BMP6: variants seen among roughly 807,000 people sequenced by gnomAD.
The protein encoded by BMP6 is VG-1-R.
In BMP6, 17 loss-of-function variants were observed where a neutral mutation model predicts 54.1. That is an observed-to-expected ratio of 0.31 (90% CI 0.22 to 0.47). BMP6 has a LOEUF of 0.47. Among genes scored for constraint, BMP6 ranks in the 20% least tolerant of loss-of-function variants. The pLI is 1.00. For synonymous variants in BMP6, 328 were observed against 291.2 expected (o/e 1.13, Z -1.28); for missense variants, 720 against 690.4 (o/e 1.04, Z -0.48).
At chr6:7,733,312 T>C (rs905641738) in intron 1 of BMP6, among the ~76,000 whole-genome samples, 1 of 152,262 alleles carries the variant, frequency 6.6e-6, no homozygotes, top group Non-Finnish European at 1.5e-5. Context: ...TTTAGTCATT[T>C]TGCCATCTTT....
chr6:7,774,568 TAGCC>T (rs1405634616), intron 1 of BMP6, among the ~76,000 whole-genome samples: 1 of 151,256 alleles, frequency 6.6e-6, no homozygotes, highest in Non-Finnish European at 1.5e-5. Flanking sequence ...AAACAAAAAT[TAGCC>T]AGGTGTGGTG....
Position 7,735,589 on chromosome 6 carries a change from G to GT in BMP6, c.664+7979dup, listed in dbSNP as rs201550135. 6.5e-3 allele frequency among the ~76,000 whole-genome samples: 979 copies of GT among 151,500 alleles called. 8 individuals are homozygous for GT. The highest frequency in any genetic ancestry group is 0.014 in the East Asian group (70 of 5,154). On this transcript the variant is annotated intron_variant, in intron 1 of 6. Transcript: ENST00000283147. ...GCTGTACATTTTTTAGAAAGAGAGG[G>GT]TTTTTTTTTAAGATCAGTTTGAGGT...
intron 1 of BMP6, among the ~76,000 whole-genome samples, chr6:7,751,685 A>G (rs796783185): frequency 3.3e-5 from 5 of 152,238 alleles, no homozygotes; most frequent in South Asian, 2.1e-4. Context: ...AGAATTAGAC[A>G]TGGCTTCTGT....
chr6:7,807,697 T>C (rs1430133507), intron 1 of BMP6, among the ~76,000 whole-genome samples: 1 of 152,136 alleles, frequency 6.6e-6, no homozygotes, highest in Non-Finnish European at 1.5e-5. Flanking sequence ...TTCTAATGCA[T>C]GCTAAGTTTG....
At chr6:7,789,683 C>T (rs537608499) in intron 1 of BMP6, among the ~76,000 whole-genome samples, 9 of 152,204 alleles carry the variant, frequency 5.9e-5, no homozygotes, top group African/African-American at 2.2e-4. Flanking sequence ...TTGACGGCTT[C>T]CTTTCTGGAA....
chr6:7,739,686 C>T (rs1762013497), intron 1 of BMP6, among the ~76,000 whole-genome samples: 1 of 152,182 alleles, frequency 6.6e-6, no homozygotes. Flanking sequence ...CTGTCCCCTA[C>T]CTGCCCACCA....
rs536470071 is a variant in BMP6 at position 7,741,286 on chromosome 6, A to G, written c.664+13667A>G. 6.6e-5 allele frequency among the ~76,000 whole-genome samples: 10 copies of G among 151,304 alleles called. No individual in the cohort carries two copies. The South Asian group carries it at 1.9e-3, about 29-fold the overall frequency. ...AGAGAGGCATGGAGCAGCATTCTTT[A>G]TTATCATTATTATTATTATTATTTT... On this transcript the variant is annotated intron_variant, in intron 1 of 6. Coordinates refer to ENST00000283147, the MANE Select transcript of BMP6 (RefSeq NM_001718.6).
chr6:7,862,587 G>A, intron 4 of BMP6, 89 bp downstream of exon 4: 2 of 1,517,562 alleles, frequency 1.3e-6, no homozygotes, highest in Non-Finnish European at 1.8e-6. Flanking sequence ...ATGTCGGGCA[G>A]CTTCTGCACA....
Position 7,735,060 on chromosome 6 carries a change from G to T in BMP6, c.664+7441G>T, listed in dbSNP as rs530295669. 9.2e-5 allele frequency among the ~76,000 whole-genome samples: 14 copies of T among 152,330 alleles called. 1 individual carries two copies. In the South Asian group the frequency reaches 2.9e-3, roughly 32 times the overall value. ...TTCATATCACCAAAGAGCTCAGCTG[G>T]CCACGGGGGGAAGTGGAGTGGAGTG... On this transcript the variant is annotated intron_variant, in intron 1 of 6. Coordinates refer to ENST00000283147, the MANE Select transcript of BMP6 (RefSeq NM_001718.6).
At chr6:7,851,281 C>A (rs185898630) in intron 2 of BMP6, among the ~76,000 whole-genome samples, 13 of 152,240 alleles carry the variant, frequency 8.5e-5, no homozygotes, top group Admixed American at 3.3e-4. Context: ...TCTTTAATAA[C>A]TCTCAGTAAT....
chr6:7,873,767 A>C (rs1171306097), intron 4 of BMP6, among the ~76,000 whole-genome samples: 1 of 152,152 alleles, frequency 6.6e-6, no homozygotes, highest in African/African-American at 2.4e-5. Context: ...GCTTGGTGCC[A>C]GGAACTGGGG....
At chr6:7,845,800 T>C (rs537982133) in intron 2 of BMP6, among the ~76,000 whole-genome samples, 2 of 152,360 alleles carry the variant, frequency 1.3e-5, no homozygotes, top group South Asian at 4.1e-4. Flanking sequence ...TGTATTTTTT[T>C]TTTTTATCAC....
chr6:7,792,088 G>A (rs1758117540), intron 1 of BMP6, among the ~76,000 whole-genome samples: 1 of 152,138 alleles, frequency 6.6e-6, no homozygotes, highest in South Asian at 2.1e-4. Flanking sequence ...CCATAACTGC[G>A]GGAGGAGGGT....
At chr6:7,798,635 A>G (rs1758225377) in intron 1 of BMP6, among the ~76,000 whole-genome samples, 1 of 152,162 alleles carries the variant, frequency 6.6e-6, no homozygotes, top group Non-Finnish European at 1.5e-5. Flanking sequence ...CAATCCTCAG[A>G]TGTTCCTTCC....
At chr6:7,733,476 G>A (rs781417641) in intron 1 of BMP6, among the ~76,000 whole-genome samples, 9 of 152,080 alleles carry the variant, frequency 5.9e-5, no homozygotes, top group African/African-American at 1.7e-4. Flanking sequence ...CCCCATTCAC[G>A]TAAACAGCTG....
intron 1 of BMP6, among the ~76,000 whole-genome samples, chr6:7,731,680 G>T (rs866119515): frequency 1.3e-5 from 2 of 152,176 alleles, no homozygotes; most frequent in African/African-American, 2.4e-5. Flanking sequence ...TTTAGAAAGG[G>T]TATACCTGAT....
chr6:7,783,037 G>GT lies in BMP6; in HGVS notation c.664+55419dup, dbSNP rs577384778. On this transcript the variant is annotated intron_variant, in intron 1 of 6. Coordinates refer to ENST00000283147, the MANE Select transcript of BMP6 (RefSeq NM_001718.6). The stretch of plus-strand genomic sequence containing the variant: ...AAGAGTCAAATAGGAAAGGGTCAGA[G>GT]TAAAAATAAGAGATAGGGAAATGCA... Among the ~76,000 whole-genome samples, 20 of 152,284 alleles carry GT rather than the reference G, an allele frequency of 1.3e-4. No homozygotes were observed. In the South Asian group the frequency reaches 4.1e-3, roughly 32 times the overall value.
intron 1 of BMP6, among the ~76,000 whole-genome samples, chr6:7,808,935 A>G (rs1758394069): frequency 6.6e-6 from 1 of 151,246 alleles, no homozygotes; most frequent in Non-Finnish European, 1.5e-5. Flanking sequence ...AAAAAAAAAA[A>G]AAATTGGTGA....
intron 2 of BMP6, among the ~76,000 whole-genome samples, chr6:7,850,167 G>A (rs1374055623): frequency 1.3e-5 from 2 of 152,138 alleles, no homozygotes; most frequent in African/African-American, 4.8e-5. Flanking sequence ...TTTTGAGGCA[G>A]AGTCTCGCTC....
Sources: gnomAD v4.1 joint callset for allele counts (sites outside exome capture counted in the v4.1 genomes callset) on GRCh38, gnomAD v4.1.1 for gene constraint, MANE v1.5 for transcripts, NCBI Gene and HGNC (gene_info 2026-07-23, HGNC 2026-07-21) for gene names.